The following SYT2 variants were observed in gnomAD, a reference collection of about 807,000 sequenced individuals.
The protein encoded by SYT2 is synaptotagmin-2.
In SYT2, 15 loss-of-function variants were observed where a neutral mutation model predicts 39.9. That is an observed-to-expected ratio of 0.38 (90% CI 0.25 to 0.58). The LOEUF (loss-of-function observed/expected upper bound fraction) is 0.58, where lower values mean the gene tolerates loss of function less well. SYT2 is among the 20% of genes least tolerant of loss of function. The probability of loss-of-function intolerance (pLI) is 0.70; values close to 1 mark genes in which losing one functional copy is unlikely to be tolerated. For synonymous variants in SYT2, 181 were observed against 204.5 expected (o/e 0.89, Z 0.98); for missense variants, 389 against 530.3 (o/e 0.73, Z 2.62).
intron 1 of SYT2, among the ~76,000 whole-genome samples, chr1:202,677,731 G>A (rs1004947153): frequency 6.6e-6 from 1 of 152,158 alleles, no homozygotes; most frequent in Non-Finnish European, 1.5e-5. Context: ...ATTATAAGGT[G>A]TTTCATATTG....
chr1:202,666,561 G>A (rs1692484983), intron 1 of SYT2, among the ~76,000 whole-genome samples: 1 of 152,166 alleles, frequency 6.6e-6, no homozygotes, highest in Non-Finnish European at 1.5e-5. Flanking sequence ...CCATTTCAGA[G>A]GTATGTCACA....
chr1:202,633,544 T>G (rs1691656157), intron 1 of SYT2, among the ~76,000 whole-genome samples: 1 of 152,070 alleles, frequency 6.6e-6, no homozygotes, highest in South Asian at 2.1e-4. Context: ...GTGGGAGAAG[T>G]GTTGCTGAGC....
At chr1:202,619,372 G>T (rs532736711) in intron 1 of SYT2, among the ~76,000 whole-genome samples, 110 of 152,324 alleles carry the variant, frequency 7.2e-4, no homozygotes, top group African/African-American at 2.5e-3. Flanking sequence ...GAGGGAGGCT[G>T]GGGGTGGGGA....
chr1:202,621,919 CAT>C (rs905581782), intron 1 of SYT2, among the ~76,000 whole-genome samples: 43 of 152,330 alleles, frequency 2.8e-4, no homozygotes, highest in African/African-American at 9.9e-4. Context: ...TCACCAAAAG[CAT>C]ATATGTGTGT....
At chr1:202,644,254 A>G (rs1306507722) in intron 1 of SYT2, among the ~76,000 whole-genome samples, 2 of 151,014 alleles carry the variant, frequency 1.3e-5, no homozygotes, top group African/African-American at 4.9e-5. Context: ...GTCTGCTGGC[A>G]CAGGACCCCT....
At chr1:202,688,242 C>T (rs1341729491) in intron 1 of SYT2, among the ~76,000 whole-genome samples, 3 of 152,248 alleles carry the variant, frequency 2.0e-5, no homozygotes, top group African/African-American at 7.2e-5. Flanking sequence ...CAAAATGTGA[C>T]CTCCCATAGT....
chr1:202,606,632 T>A (rs1309765597), intron 1 of SYT2, among the ~76,000 whole-genome samples: 1 of 152,164 alleles, frequency 6.6e-6, no homozygotes, highest in Non-Finnish European at 1.5e-5. Flanking sequence ...TCTCTAGCCC[T>A]TCCTCCCCGG....
chr1:202,678,940 C>A (rs547866223), intron 1 of SYT2, among the ~76,000 whole-genome samples: 22 of 152,246 alleles, frequency 1.4e-4, no homozygotes, highest in Non-Finnish European at 2.5e-4. Context: ...CATTCTGAAC[C>A]CTTCTTAACC....
At chr1:202,635,483 G>A (rs2149093384) in intron 1 of SYT2, among the ~76,000 whole-genome samples, 1 of 152,320 alleles carries the variant, frequency 6.6e-6, no homozygotes, top group African/African-American at 2.4e-5. Flanking sequence ...CCTGGGGAAT[G>A]GGGCAGAAGA....
At chr1:202,677,900 G>A (rs984188309) in intron 1 of SYT2, among the ~76,000 whole-genome samples, 1 of 152,132 alleles carries the variant, frequency 6.6e-6, no homozygotes, top group Admixed American at 6.5e-5. Flanking sequence ...AGAAGAATGT[G>A]TACATATATT....
rs55680589 is a variant in SYT2, at chr1:202,594,727, C to CACACACACACACACA, written c.*2029_*2030insTGTGTGTGTGTGTGT. ...ACACACACACACACACACACACACA[C>CACACACACACACACA]CAGTAAAAACATAACTTCCCATGTA... is the stretch of plus-strand genomic sequence containing the variant. On this transcript the variant is annotated 3_prime_UTR_variant, in exon 9 of 9. Coordinates refer to ENST00000367268, the MANE Select transcript of SYT2 (RefSeq NM_177402.5). The CACACACACACACACA allele has an allele frequency of 2.7e-4, 41 of 152,064 alleles. No individual in the cohort carries two copies. Among genetic ancestry groups the CACACACACACACACA allele is most frequent in the East Asian group, 5.8e-4 (3 of 5,178 alleles). 9.4% of individuals were successfully genotyped at this position (152,064 alleles called of 1,614,324 possible). A position where few individuals can be genotyped will look rare whatever the true frequency, so the allele number is the denominator to read the frequency against.
intron 1 of SYT2, among the ~76,000 whole-genome samples, chr1:202,674,172 T>C (rs4950868): frequency 0.99 from 150,075 of 152,266 alleles, 73,988 homozygotes; most frequent in Middle Eastern, 1. Flanking sequence ...TGTGATCTTG[T>C]GTCGCTGCAA....
In SYT2 at chr1:202,599,432, A is replaced by G; in HGVS notation, c.920-81T>C. 6.8e-7 allele frequency: 1 copy of G among 1,473,048 alleles called. No homozygotes were observed. The highest frequency in any genetic ancestry group is 2.5e-5 in the East Asian group (1 of 40,602). 91.2% of individuals were successfully genotyped at this position (1,473,048 alleles called of 1,614,324 possible). A position where few individuals can be genotyped will look rare whatever the true frequency, so the allele number is the denominator to read the frequency against. ...GCCGAATGTACCAAGGCCTGCCCAG[A>G]GCATCGGTCAAGAGGGGGTCTTCAC... On this transcript the variant is annotated intron_variant, in intron 7 of 8. Coordinates refer to ENST00000367268, the MANE Select transcript of SYT2 (RefSeq NM_177402.5). The surrounding 1 kb of genome is among the most constrained non-coding windows in gnomAD (Gnocchi z 4.4).
At chr1:202,679,095 A>G (rs1226596432) in intron 1 of SYT2, among the ~76,000 whole-genome samples, 1 of 151,382 alleles carries the variant, frequency 6.6e-6, no homozygotes, top group Non-Finnish European at 1.5e-5. Flanking sequence ...GGCGACGCCC[A>G]TCTCTCACTC....
rs1466253226 is a variant in SYT2 at position 202,691,718 on chromosome 1, A to G, written c.-18+18540T>C. Among the ~76,000 whole-genome samples the G allele has an allele frequency of 4.5e-3, 126 of 27,810 alleles. 1 individual carries two copies. Among genetic ancestry groups the G allele is most frequent in the South Asian group, 0.012 (4 of 338 alleles). The allele number at this position is 27,810 out of a possible 152,430, so 18.2% of individuals were successfully genotyped here. A position where few individuals can be genotyped will look rare whatever the true frequency, so the allele number is the denominator to read the frequency against. On this transcript the variant is annotated intron_variant, in intron 1 of 8. Transcript: ENST00000367268. ...GAGAGGGAGAGGGAGAGGGAGAGGG[A>G]GAGGGAGAGGGGGGGAGAGAGAGAG... is the stretch of plus-strand genomic sequence containing the variant.
rs1690572147 is a variant in SYT2 at position 202,603,044 on chromosome 1, C to T, written c.420G>A (p.Leu140=). The change falls in exon 4 of 9, where the codon CTG becomes CTA. Residue 140 remains leucine (L), a synonymous_variant. Coordinates refer to ENST00000367268, the MANE Select transcript of SYT2 (RefSeq NM_177402.5). The part of the protein sequence containing the change: ...EGEEEKEPEN[L]GKLQFSLDYD... ...AGTCCAGGGAAAACTGCAGTTTGCC[C>T]AGGTTCTCTGGCTCTTTCTCCTCCT... The T allele has an allele frequency of 6.2e-7, 1 of 1,614,070 alleles. No individual in the cohort carries two copies. The highest frequency in any genetic ancestry group is 1.3e-5 in the African/African-American group (1 of 74,986).
intron 1 of SYT2, among the ~76,000 whole-genome samples, chr1:202,647,317 G>T (rs572687279): frequency 6.6e-6 from 1 of 152,332 alleles, no homozygotes; most frequent in Non-Finnish European, 1.5e-5. Context: ...AGGGCCCGTA[G>T]AGGGAAGGGT....
chr1:202,602,196 G>A (rs1690529373), intron 5 of SYT2, 139 bp from the exon 6 acceptor site: 2 of 627,818 alleles, frequency 3.2e-6, no homozygotes, highest in African/African-American at 3.8e-5. Flanking sequence ...CTTTTGGGGA[G>A]CAGAGTGTGA....
chr1:202,592,744 G>A lies in SYT2; in HGVS notation c.*4013C>T, dbSNP rs1026422584. On this transcript the variant is annotated 3_prime_UTR_variant, in exon 9 of 9. Coordinates refer to ENST00000367268, the MANE Select transcript of SYT2 (RefSeq NM_177402.5). ...CTCAATATTGCAGTTCAAAAAACTG[G>A]TTAAGTCAAATCCTTGGGGTTCCTG... is the stretch of plus-strand genomic sequence containing the variant. The A allele has an allele frequency of 1.3e-5, 2 of 152,144 alleles. No homozygotes were observed. Among genetic ancestry groups the A allele is most frequent in the Admixed American group, 1.3e-4 (2 of 15,284 alleles). 9.4% of individuals were successfully genotyped at this position (152,144 alleles called of 1,614,324 possible).
Sources: gnomAD v4.1 joint callset for allele counts (sites outside exome capture counted in the v4.1 genomes callset) on GRCh38, gnomAD v4.1.1 for gene constraint, Gnocchi (gnomAD v3.1) non-coding constraint, MANE v1.5 for transcripts, NCBI Gene and HGNC (gene_info 2026-07-23, HGNC 2026-07-21) for gene names.